Variants in NAV2 observed in about 807,000 individuals in gnomAD.
The protein encoded by NAV2 is neuron navigator 2.
NAV2 carries 54 observed loss-of-function variants against 223.2 expected under a neutral mutation model. The ratio of observed to expected loss-of-function variants is 0.24; its 90% CI spans 0.19 to 0.30. The LOEUF (loss-of-function observed/expected upper bound fraction) is 0.30. NAV2 is among the 10% of genes least tolerant of loss of function. The pLI is 1.00. For synonymous variants in NAV2, 1,279 were observed against 1,239.3 expected (o/e 1.03, Z -0.67); for missense variants, 2,806 against 3,147.5 (o/e 0.89, Z 2.60).
chr11:19,960,604 TATTTATTTA>T (rs1225761957), intron 10 of NAV2, among the ~76,000 whole-genome samples: 1 of 149,584 alleles, frequency 6.7e-6, no homozygotes, highest in African/African-American at 2.5e-5. Flanking sequence ...TTTATTTATT[TATTTATTTA>T]TTTATTTATT....
At chr11:19,944,480 C>CCTTTCCCCTTTCCCCTTTCCT (rs550559740) in intron 8 of NAV2, among the ~76,000 whole-genome samples, 7 of 147,984 alleles carry the variant, frequency 4.7e-5, no homozygotes, top group South Asian at 2.1e-4. Flanking sequence ...CTCTTCTTCT[C>CCTTTCCCCTTTCCCCTTTCCT]CTTTCCCCTT....
chr11:19,668,512 A>G (rs1007479717), intron 1 of NAV2, among the ~76,000 whole-genome samples: 14 of 146,592 alleles, frequency 9.6e-5, no homozygotes, highest in Admixed American at 4.2e-4. Flanking sequence ...TAGCCTGGGC[A>G]ACAGAATGAG....
chr11:19,929,517 A>C (rs1197557192), intron 6 of NAV2, among the ~76,000 whole-genome samples: 1 of 152,036 alleles, frequency 6.6e-6, no homozygotes, highest in East Asian at 1.9e-4. Flanking sequence ...CTAGAAACCA[A>C]ATTCAGAATC....
At chr11:19,682,822 C>A (rs1438661203) in intron 1 of NAV2, among the ~76,000 whole-genome samples, 3 of 152,168 alleles carry the variant, frequency 2.0e-5, no homozygotes, top group African/African-American at 7.2e-5. Context: ...CCCCCATGAC[C>A]AAACACCTCC....
intron 1 of NAV2, among the ~76,000 whole-genome samples, chr11:19,668,256 G>A (rs2048473662): frequency 6.6e-6 from 1 of 152,180 alleles, no homozygotes; most frequent in African/African-American, 2.4e-5. Flanking sequence ...GTATCCCTAA[G>A]GCTGGGCATG....
At chr11:19,470,841 C>G (rs926331895) in intron 1 of NAV2, among the ~76,000 whole-genome samples, 1 of 152,096 alleles carries the variant, frequency 6.6e-6, no homozygotes, top group Non-Finnish European at 1.5e-5. Flanking sequence ...ATGAGACAAG[C>G]CTGAGGGACA....
chr11:19,972,337 C>G (rs1020431465), intron 10 of NAV2, among the ~76,000 whole-genome samples: 1 of 152,188 alleles, frequency 6.6e-6, no homozygotes, highest in Non-Finnish European at 1.5e-5. Context: ...ATGTTGTCAG[C>G]TGTCATGTCT....
At chr11:19,517,405 G>C (rs1357723322) in intron 1 of NAV2, among the ~76,000 whole-genome samples, 1 of 152,172 alleles carries the variant, frequency 6.6e-6, no homozygotes, top group Non-Finnish European at 1.5e-5. Context: ...TTTTAAATGA[G>C]AATAATGACA....
intron 20 of NAV2, among the ~76,000 whole-genome samples, chr11:20,067,660 T>G: frequency 6.6e-6 from 1 of 150,692 alleles, no homozygotes; most frequent in East Asian, 2.0e-4. Context: ...TTTTTTTTTT[T>G]TTGTATTTTT....
chr11:19,374,309 G>GTTTTTTTTTTTTTTTTTTTTTTTTTTT (rs10533713), intron 1 of NAV2, among the ~76,000 whole-genome samples: 1 of 124,594 alleles, frequency 8.0e-6, no homozygotes, highest in Non-Finnish European at 1.6e-5. Context: ...TTCCGAAAAG[G>GTTTTTTTTTTTTTTTTTTTTTTTTTTT]TTTTTTTTTT....
intron 11 of NAV2, among the ~76,000 whole-genome samples, chr11:20,009,417 A>G (rs2153506002): frequency 6.6e-6 from 1 of 152,334 alleles, no homozygotes; most frequent in Middle Eastern, 3.4e-3. Context: ...AACGAGCTCT[A>G]GAACCTGTGA....
chr11:19,526,451 G>A (rs185845179), intron 1 of NAV2, among the ~76,000 whole-genome samples: 2 of 151,860 alleles, frequency 1.3e-5, no homozygotes, highest in African/African-American at 4.8e-5. Context: ...TCTAAAGTCA[G>A]CTTCAGAGTC....
chr11:19,814,396 C>T (rs2152822720), intron 1 of NAV2, among the ~76,000 whole-genome samples: 1 of 152,270 alleles, frequency 6.6e-6, no homozygotes, highest in East Asian at 1.9e-4. Context: ...CCTCCCCTGG[C>T]CAGGGTGACC....
chr11:20,001,288 A>T (rs1313168887), intron 11 of NAV2, among the ~76,000 whole-genome samples: 2 of 152,090 alleles, frequency 1.3e-5, no homozygotes, highest in Admixed American at 1.3e-4. Context: ...AGGGCTCCCA[A>T]AGGACCCCGT....
intron 1 of NAV2, among the ~76,000 whole-genome samples, chr11:19,601,201 C>T (rs2046341688): frequency 6.6e-6 from 1 of 152,236 alleles, no homozygotes. Context: ...TGCCTGCAAA[C>T]TTCTGCTCAA....
chr11:19,809,057 C>T (rs1565352576), intron 1 of NAV2, among the ~76,000 whole-genome samples: 2 of 152,184 alleles, frequency 1.3e-5, no homozygotes, highest in Admixed American at 6.5e-5. Flanking sequence ...ATTGTTTGGG[C>T]ACAAATAGTT....
intron 1 of NAV2, among the ~76,000 whole-genome samples, chr11:19,470,410 T>C (rs1590269035): frequency 6.6e-6 from 1 of 152,162 alleles, no homozygotes; most frequent in Non-Finnish European, 1.5e-5. Flanking sequence ...TTATAAAGAA[T>C]AGAGATTTAT....
At chr11:19,953,494 C>T (rs1565632756) in intron 10 of NAV2, among the ~76,000 whole-genome samples, 1 of 152,264 alleles carries the variant, frequency 6.6e-6, no homozygotes, top group African/African-American at 2.4e-5. Flanking sequence ...CCTCCTGGGA[C>T]ATGCTGCTTT....
At chr11:19,715,371 A>C (rs559004667) in intron 1 of NAV2, among the ~76,000 whole-genome samples, 18 of 152,160 alleles carry the variant, frequency 1.2e-4, no homozygotes, top group African/African-American at 4.3e-4. Context: ...TGTTACGTAC[A>C]GGATTTGTCC....
Sources: gnomAD v4.1 joint callset for allele counts (sites outside exome capture counted in the v4.1 genomes callset) on GRCh38, gnomAD v4.1.1 for gene constraint, MANE v1.5 for transcripts, NCBI Gene and HGNC (gene_info 2026-07-23, HGNC 2026-07-21) for gene names.